Variants in DCST1 observed in about 807,000 individuals in gnomAD.
The protein encoded by DCST1 is DC-STAMP domain containing 1.
DCST1 carries 78 observed loss-of-function variants against 89.1 expected under a neutral mutation model. That is an observed-to-expected ratio of 0.88 (90% CI 0.73 to 1.06). The LOEUF (loss-of-function observed/expected upper bound fraction) is 1.06. Among genes scored for constraint, DCST1 ranks in the 50% least tolerant of loss-of-function variants. The pLI, the probability that DCST1 is intolerant of heterozygous loss-of-function variation, is 0.00. For synonymous variants in DCST1, 364 were observed against 371.9 expected (o/e 0.98, Z 0.24); for missense variants, 900 against 928.6 (o/e 0.97, Z 0.40).
rs1246684597 is a variant in DCST1 at position 155,042,810 on chromosome 1, C to A, written c.968C>A (p.Ser323Tyr). The change falls in exon 9 of 17, where the codon TCT (serine) becomes TAT (tyrosine). Residue 323 changes from serine to tyrosine, a missense_variant. Physicochemically the swap from Ser to Tyr is moderately radical, Grantham distance 144 (BLOSUM62 -2). Transcript: ENST00000295542. The part of the protein sequence containing the change: ...FGQTYDSLNQ[S>Y]IRGLDGEFSA... ...CAGACCTACGACTCCCTCAACCAGT[C>A]TATTCGTGGCCTGGATGGGGAATTT... The A allele has an allele frequency of 1.2e-6, 2 of 1,614,168 alleles. No individual in the cohort carries two copies. Among genetic ancestry groups the A allele is most frequent in the Non-Finnish European group, 1.7e-6 (2 of 1,180,032 alleles).
In DCST1 at chr1:155,037,834, T is replaced by C. The variant is rs551348315; in HGVS notation, c.263-1569T>C. On this transcript the variant is annotated intron_variant, in intron 4 of 16. Coordinates refer to ENST00000295542, the MANE Select transcript of DCST1 (RefSeq NM_152494.4). ...CCCAAAGAAGACACCCATAGCTCCA[T>C]GGGGCTCTCATTAGAACATAGGGCA... 4.6e-5 allele frequency among the ~76,000 whole-genome samples: 7 copies of C among 152,354 alleles called. No individual in the cohort carries two copies. The South Asian group carries it at 1.0e-3, about 23-fold the overall frequency.
At chr1:155,038,090 C>A (rs1451082637) in intron 4 of DCST1, among the ~76,000 whole-genome samples, 1 of 152,240 alleles carries the variant, frequency 6.6e-6, no homozygotes, top group East Asian at 1.9e-4. Context: ...GGGTTTGCCA[C>A]AAACCTGAAT....
intron 10 of DCST1, among the ~76,000 whole-genome samples, chr1:155,044,897 G>A (rs1157946492): frequency 1.3e-5 from 2 of 152,196 alleles, no homozygotes; most frequent in African/African-American, 2.4e-5. Context: ...GCAGGAAGAT[G>A]GCTTGAGATG....
At chr1:155,047,704 C>T in intron 14 of DCST1, 83 bp from the exon 15 acceptor site, 1 of 1,291,304 alleles carries the variant, frequency 7.7e-7, no homozygotes, top group Non-Finnish European at 1.1e-6. Flanking sequence ...GACTGCACCT[C>T]CCACTGGGAT....
chr1:155,035,425 G>A (rs1034594128), intron 4 of DCST1, among the ~76,000 whole-genome samples: 2 of 152,034 alleles, frequency 1.3e-5, no homozygotes, highest in African/African-American at 4.8e-5. Flanking sequence ...GCCTCCCAAA[G>A]TTCTGGGATT....
intron 16 of DCST1, among the ~76,000 whole-genome samples, chr1:155,049,900 A>G (rs1048593635): frequency 3.3e-5 from 5 of 152,244 alleles, no homozygotes; most frequent in African/African-American, 1.2e-4. Context: ...CAGAATGTGC[A>G]AAGACTCAGT....
intron 16 of DCST1, chr1:155,049,256 G>A (rs1558112338): frequency 1.7e-6 from 1 of 572,632 alleles, no homozygotes; most frequent in Non-Finnish European, 3.2e-6. Flanking sequence ...AGGATTAAAT[G>A]AGTTGTACTT....
intron 6 of DCST1, 56 bp downstream of exon 6, chr1:155,040,680 A>C: frequency 6.7e-7 from 1 of 1,497,254 alleles, no homozygotes; most frequent in Admixed American, 2.3e-5. Context: ...GGCCAAGTTA[A>C]CTTGAGCTGG....
intron 8 of DCST1, among the ~76,000 whole-genome samples, chr1:155,042,521 T>C (rs1660467529): frequency 6.6e-6 from 1 of 152,136 alleles, no homozygotes; most frequent in Non-Finnish European, 1.5e-5. Context: ...TGGTTGAGGA[T>C]AGATTGACAA....
chr1:155,036,515 C>T (rs1239961562), intron 4 of DCST1, among the ~76,000 whole-genome samples: 2 of 152,260 alleles, frequency 1.3e-5, no homozygotes, highest in Non-Finnish European at 1.5e-5. Context: ...CCAGCTCAGG[C>T]CTGCTCCCTA....
At chr1:155,043,609 C>T in intron 10 of DCST1, 100 bp downstream of exon 10, 1 of 1,327,456 alleles carries the variant, frequency 7.5e-7, no homozygotes, top group Admixed American at 3.1e-5. Flanking sequence ...CCTATCCTCA[C>T]CTCTGAATCT....
chr1:155,034,137 A>G (rs760852819), intron 2 of DCST1, 40 bp downstream of exon 2: 19 of 1,610,976 alleles, frequency 1.2e-5, no homozygotes, highest in Non-Finnish European at 1.4e-5. Flanking sequence ...CTTGACCTCC[A>G]CTCTCATCCC....
chr1:155,039,280 G>A, intron 4 of DCST1, 123 bp from the exon 5 acceptor site: 1 of 1,226,210 alleles, frequency 8.2e-7, no homozygotes, highest in Non-Finnish European at 1.1e-6. Context: ...CAGTGTAAAT[G>A]GGGATAAGGG....
chr1:155,046,814 CAG>C (rs1660656695), intron 13 of DCST1, among the ~76,000 whole-genome samples: 4 of 152,048 alleles, frequency 2.6e-5, no homozygotes, highest in African/African-American at 9.7e-5. Context: ...CCATGTTGGT[CAG>C]GCTGGTCTCG....
rs958801714 is a variant in DCST1 at position 155,047,909 on chromosome 1, G to A, written c.1735G>A (p.Ala579Thr). ...TGGCTACCGACTCCGGAGGGTCATCGCAGCCTTCTACTTCCCCAAGGTTTG... is the reference window on the plus strand; with the variant it reads ...TGGCTACCGACTCCGGAGGGTCATCACAGCCTTCTACTTCCCCAAGGTTTG... ...AFGYRLRRVI[A>T]AFYFPKREKK... is the part of the protein sequence containing the mutation. The change falls in exon 15 of 17, where the codon GCA (alanine) becomes ACA (threonine). Residue 579 changes from alanine (A) to threonine (T), a missense_variant. Coordinates refer to ENST00000295542, the MANE Select transcript of DCST1 (RefSeq NM_152494.4). 7.4e-6 allele frequency: 12 copies of A among 1,613,918 alleles called. No individual in the cohort carries two copies. The highest frequency in any genetic ancestry group is 1.6e-4 in the Middle Eastern group (1 of 6,084).
chr1:155,050,770 G>C lies in DCST1; in HGVS notation c.2023G>C (p.Asp675His). 2 of 1,611,766 alleles carry C rather than the reference G, an allele frequency of 1.2e-6. No individual in the cohort carries two copies. Among genetic ancestry groups the C allele is most frequent in the Non-Finnish European group, 8.5e-7 (1 of 1,179,150 alleles). ...GGCCGTGTACTGCTGGTCGTGCTGG[G>C]ACGACATGCGGCAGCGGTGCCCGGT... ...CEAVYCWSCW[D>H]DMRQRCPVCT... Residue 675 changes from aspartate (D) to histidine (H), a missense_variant, in exon 17 of 17, where the codon GAC becomes CAC. Transcript: ENST00000295542.
intron 14 of DCST1, 53 bp downstream of exon 14, chr1:155,047,365 G>T: frequency 2.0e-6 from 3 of 1,496,058 alleles, no homozygotes; most frequent in Non-Finnish European, 2.8e-6. Flanking sequence ...TGGGGCAAGG[G>T]TCAAAAGACT....
chr1:155,046,249 G>C (rs770239739), intron 12 of DCST1, 29 bp downstream of exon 12: 1 of 1,614,156 alleles, frequency 6.2e-7, no homozygotes, highest in Non-Finnish European at 8.5e-7. Flanking sequence ...GCGGACTCCT[G>C]GGTGCAAAGA....
chr1:155,046,559 C>T (rs540892007), intron 13 of DCST1, 73 bp downstream of exon 13: 548 of 1,546,390 alleles, frequency 3.5e-4, no homozygotes, highest in Middle Eastern at 8.0e-4. Flanking sequence ...TGCACAGCCA[C>T]CCCACCCTAG....
Sources: allele counts gnomAD v4.1 joint callset (sites outside exome capture counted in the v4.1 genomes callset), GRCh38; gene constraint gnomAD v4.1.1; transcripts MANE v1.5; gene names NCBI Gene and HGNC (gene_info 2026-07-23, HGNC 2026-07-21).